MRPL44: variants seen among roughly 807,000 people sequenced by gnomAD.
The protein encoded by MRPL44 is mitochondrial ribosomal protein L44.
In MRPL44, 21 loss-of-function variants were observed where a neutral mutation model predicts 25.9. The ratio of observed to expected loss-of-function variants is 0.81; its 90% confidence interval spans 0.58 to 1.17. The LOEUF is 1.17. Among genes scored for constraint, MRPL44 ranks in the 50% most tolerant of loss-of-function variants. MRPL44 has a pLI of 0.00. For missense variants in MRPL44, 410 were observed against 398.9 expected (o/e 1.03, Z -0.24); for synonymous variants, 169 against 151.0 (o/e 1.12, Z -0.87).
chr2:223,955,852 T>C (rs1689556311), upstream of MRPL44, among the ~76,000 whole-genome samples: 1 of 152,216 alleles, frequency 6.6e-6, no homozygotes, highest in African/African-American at 2.4e-5. Context: ...ATTATGTGTT[T>C]ATTGAATAAA....
At chr2:223,951,762 A>G in the MRPL44 span, among the ~76,000 whole-genome samples, 1 of 152,094 alleles carries the variant, frequency 6.6e-6, no homozygotes, top group Non-Finnish European at 1.5e-5. Flanking sequence ...TACAGGCTTG[A>G]GCCACTGTGT....
At position 223,957,522 on chromosome 2, in the gene MRPL44, T is replaced by C; in HGVS notation, c.50T>C (p.Leu17Pro). The C allele has an allele frequency of 1.2e-6, 2 of 1,614,126 alleles. No homozygotes were observed. Among genetic ancestry groups the C allele is most frequent in the Non-Finnish European group, 1.7e-6 (2 of 1,180,022 alleles). The change falls in exon 1 of 4, where the codon CTG becomes CCG. Residue 17 changes from leucine to proline, a missense_variant. Physicochemically the swap from Leu to Pro is moderately conservative, Grantham distance 98 (BLOSUM62 -3). Coordinates refer to ENST00000258383, the MANE Select transcript of MRPL44 (RefSeq NM_022915.5). The part of the protein sequence containing the change: ...RLLQQGHRCL[L>P]APVAPKLVPP... The stretch of plus-strand genomic sequence containing the variant: ...CTGCAGCAGGGACATCGCTGCCTCC[T>C]GGCTCCAGTCGCCCCCAAGCTGGTC...
At chr2:223,957,433 G>C (rs1303487082), upstream of MRPL44, 24 of 1,612,662 alleles carry the variant, frequency 1.5e-5, no homozygotes, top group Middle Eastern at 1.7e-4. Flanking sequence ...ACACTGGCCC[G>C]ACTACTTTCG....
chr2:223,967,030 G>A lies in MRPL44; in HGVS notation c.995G>A (p.Ser332Asn), dbSNP rs1361084941. ...TLRAEKSITA[S>N] Reference sequence around the variant, plus strand: ...AGAGCAGAAAAGAGCATCACTGCCAGCTAGCCGCCATGGATGCAGCAGCCT... The same window carrying A: ...AGAGCAGAAAAGAGCATCACTGCCAACTAGCCGCCATGGATGCAGCAGCCT... Residue 332 changes from serine (S) to asparagine (N), a missense_variant, in exon 4 of 4, where the codon AGC becomes AAC. Physicochemically the swap from Ser to Asn is conservative, Grantham distance 46. Transcript: ENST00000258383. 1 of 1,608,314 alleles carries A rather than the reference G, an allele frequency of 6.2e-7. No homozygotes were observed. Among genetic ancestry groups the A allele is most frequent in the East Asian group, 2.2e-5 (1 of 44,804 alleles).
upstream of MRPL44, among the ~76,000 whole-genome samples, chr2:223,954,816 A>G (rs1003292487): frequency 1.1e-4 from 16 of 152,240 alleles, no homozygotes; most frequent in African/African-American, 3.4e-4. Flanking sequence ...AGGGGAATGT[A>G]CAAGGGTGTA....
chr2:223,966,235 CA>C (rs35614150), intron 3 of MRPL44, among the ~76,000 whole-genome samples: 100,606 of 123,670 alleles, frequency 0.81, 40,495 homozygotes, highest in Non-Finnish European at 0.89. Context: ...GACTCAGTCT[CA>C]AAAAAAAAAA....
chr2:223,963,711 T>G (rs778965789), intron 2 of MRPL44, 45 bp from the exon 3 acceptor site: 4 of 1,260,050 alleles, frequency 3.2e-6, no homozygotes, highest in Middle Eastern at 5.1e-4. Flanking sequence ...TGTCCTAATG[T>G]TCTTTCTACT....
upstream of MRPL44, among the ~76,000 whole-genome samples, chr2:223,954,826 A>G (rs1689541851): frequency 6.6e-6 from 1 of 152,250 alleles, no homozygotes; most frequent in African/African-American, 2.4e-5. Context: ...ACAAGGGTGT[A>G]AGTACCAGGA....
upstream of MRPL44, among the ~76,000 whole-genome samples, chr2:223,955,221 T>G (rs181942304): frequency 8.5e-5 from 13 of 152,338 alleles, no homozygotes; most frequent in Admixed American, 8.5e-4. Flanking sequence ...AGTCAAATTT[T>G]CCAAAGCTAG....
chr2:223,959,966 G>T lies in MRPL44; in HGVS notation c.612G>T (p.Gln204His), dbSNP rs544208460. 3.7e-6 allele frequency: 6 copies of T among 1,614,128 alleles called. No homozygotes were observed. In the African/African-American group the frequency reaches 6.7e-5, roughly 18 times the overall value. ...TFFAVIGALL[Q>H]SSGPERTALF... ...TTGCAGTTATTGGAGCCCTGTTACA[G>T]AGCAGTGGACCTGAGAGGACTGCAC... Residue 204 changes from glutamine to histidine, a missense_variant, in exon 2 of 4, where the codon CAG becomes CAT. Physicochemically the swap from Gln to His is conservative, Grantham distance 24. Transcript: ENST00000258383.
upstream of MRPL44, among the ~76,000 whole-genome samples, chr2:223,954,869 G>A (rs190783410): frequency 7.6e-4 from 116 of 152,226 alleles, no homozygotes; most frequent in African/African-American, 2.4e-3. Context: ...CTTGCTGGCC[G>A]CTAACACACC....
At chr2:223,962,694 T>A (rs951985300) in intron 2 of MRPL44, among the ~76,000 whole-genome samples, 38 of 152,236 alleles carry the variant, frequency 2.5e-4, no homozygotes, top group Admixed American at 5.2e-4. Flanking sequence ...AAGATTTTTT[T>A]AAATTATTTT....
At chr2:223,960,343 TG>T (rs1185508326) in intron 2 of MRPL44, among the ~76,000 whole-genome samples, 2 of 152,218 alleles carry the variant, frequency 1.3e-5, no homozygotes, top group Admixed American at 6.5e-5. Context: ...TGCAGAGGCC[TG>T]TGCTTCAGTA....
Position 223,959,863 on chromosome 2 carries a change from C to T in MRPL44, c.509C>T (p.Ala170Val). ...GGTGAGGAAGTCGTGTGTCACGTGGCTAGAAACTTGGCTGTGGAGCAGTTA... is the reference window on the plus strand; with the variant it reads ...GGTGAGGAAGTCGTGTGTCACGTGGTTAGAAACTTGGCTGTGGAGCAGTTA... ...LTGEEVVCHV[A>V]RNLAVEQLTL... Residue 170 changes from alanine to valine, a missense_variant, in exon 2 of 4, where the codon GCT (alanine) becomes GTT (valine). By Grantham distance (64) the Ala-to-Val change is moderately conservative. Transcript: ENST00000258383. 4 of 1,614,162 alleles carry T rather than the reference C, an allele frequency of 2.5e-6. No homozygotes were observed. The highest frequency in any genetic ancestry group is 3.4e-6 in the Non-Finnish European group (4 of 1,180,026).
chr2:223,957,322 G>A (rs1316008582), upstream of MRPL44: 14 of 930,420 alleles, frequency 1.5e-5, no homozygotes, highest in Non-Finnish European at 2.3e-5. Flanking sequence ...GGCTGTCTCC[G>A]CCCCTGCCCT....
At chr2:223,951,037 C>G in the MRPL44 span, among the ~76,000 whole-genome samples, 1 of 152,210 alleles carries the variant, frequency 6.6e-6, no homozygotes, top group African/African-American at 2.4e-5. Flanking sequence ...CAACCTCCCC[C>G]TGCTCCCCTT....
chr2:223,952,388 T>G, the MRPL44 span, among the ~76,000 whole-genome samples: 1 of 152,226 alleles, frequency 6.6e-6, no homozygotes, highest in Non-Finnish European at 1.5e-5. Context: ...TCTTGTGCTC[T>G]GGTACCATCT....
At chr2:223,951,270 T>C in the MRPL44 span, among the ~76,000 whole-genome samples, 429 of 152,348 alleles carry the variant, frequency 2.8e-3, 3 homozygotes, top group African/African-American at 0.01. Flanking sequence ...TTGGAACTGC[T>C]AGACTCTAGG....
chr2:223,967,211 C>G lies in MRPL44; in HGVS notation c.*177C>G. 1.5e-6 allele frequency: 1 copy of G among 650,636 alleles called. No individual in the cohort carries two copies. The highest frequency in any genetic ancestry group is 2.4e-6 in the Non-Finnish European group (1 of 411,342). The allele number at this position is 650,636 out of a possible 1,614,324, so 40.3% of individuals were successfully genotyped here. Reference sequence around the variant, plus strand: ...TCACAGTGTTTTTGGTTTTGTTTTTCTGAAATCTTGGTTTGATCAAATCTT... The same window carrying G: ...TCACAGTGTTTTTGGTTTTGTTTTTGTGAAATCTTGGTTTGATCAAATCTT... On this transcript the variant is annotated 3_prime_UTR_variant, in exon 4 of 4. Coordinates refer to ENST00000258383, the MANE Select transcript of MRPL44 (RefSeq NM_022915.5).
Sources: allele counts gnomAD v4.1 joint callset (sites outside exome capture counted in the v4.1 genomes callset), GRCh38; gene constraint gnomAD v4.1.1; transcripts MANE v1.5; gene names NCBI Gene and HGNC (gene_info 2026-07-23, HGNC 2026-07-21).